Variants in SNTG2 observed in about 807,000 individuals in gnomAD.
The protein encoded by SNTG2 is gamma-2-syntrophin.
SNTG2 carries 74 observed loss-of-function variants against 70.9 expected under a neutral mutation model. The ratio of observed to expected loss-of-function variants is 1.04; its 90% CI spans 0.86 to 1.27. The LOEUF is 1.27. Ranked by LOEUF, SNTG2 falls within the 50% of genes most tolerant of loss-of-function variation. The pLI is 0.00. For synonymous variants in SNTG2, 278 were observed against 273.8 expected, an observed-to-expected ratio of 1.02 and a Z score of -0.15; for missense variants, 717 against 690.7, an observed-to-expected ratio of 1.04 and a Z score of -0.43.
chr2:1,079,849 A>G (rs1179712397), intron 1 of SNTG2, among the ~76,000 whole-genome samples: 1 of 152,208 alleles, frequency 6.6e-6, no homozygotes, highest in Non-Finnish European at 1.5e-5. Flanking sequence ...ACATCGATCA[A>G]TATCACATCT....
intron 14 of SNTG2, among the ~76,000 whole-genome samples, chr2:1,282,626 G>T (rs1252886428): frequency 6.6e-6 from 1 of 151,998 alleles, no homozygotes; most frequent in Non-Finnish European, 1.5e-5. Context: ...CAATAACGCC[G>T]CCTCCCCCGC....
chr2:1,124,083 G>C (rs2148295288), intron 4 of SNTG2, among the ~76,000 whole-genome samples: 1 of 152,082 alleles, frequency 6.6e-6, no homozygotes, highest in Middle Eastern at 3.4e-3. Context: ...CTTTTTAATA[G>C]ATTATTGTAC....
At position 1,327,931 on chromosome 2, in the gene SNTG2, C is replaced by T. The variant is rs189105095; in HGVS notation, c.1488+11556C>T. ...GTAATTTATAAAGAAAAGAGATATA[C>T]TTAGTTTATGCTTCTGCATGCTGTA... On this transcript the variant is annotated intron_variant, in intron 16 of 16. Transcript: ENST00000308624. Among the ~76,000 whole-genome samples, 9 of 152,244 alleles carry T rather than the reference C, an allele frequency of 5.9e-5. No homozygotes were observed. The East Asian group carries it at 1.7e-3, about 29-fold the overall frequency.
At chr2:1,197,567 C>A (rs932137333) in intron 8 of SNTG2, among the ~76,000 whole-genome samples, 6 of 147,706 alleles carry the variant, frequency 4.1e-5, no homozygotes, top group African/African-American at 1.2e-4. Context: ...GATACAGGTT[C>A]TCACTGTCAC....
chr2:1,296,034 G>C (rs1038305342), intron 14 of SNTG2, among the ~76,000 whole-genome samples: 5 of 151,156 alleles, frequency 3.3e-5, no homozygotes, highest in African/African-American at 1.2e-4. Flanking sequence ...ACTGTAGAAG[G>C]CTGAGTCTCC....
chr2:1,289,845 A>C (rs1255280224), intron 14 of SNTG2, among the ~76,000 whole-genome samples: 2 of 152,106 alleles, frequency 1.3e-5, no homozygotes, highest in Non-Finnish European at 2.9e-5. Flanking sequence ...GTCTCTATGA[A>C]TCTGAGGACT....
intron 16 of SNTG2, among the ~76,000 whole-genome samples, chr2:1,332,669 A>G (rs1245323098): frequency 6.6e-6 from 1 of 152,228 alleles, no homozygotes; most frequent in Admixed American, 6.5e-5. Flanking sequence ...GTAAGTCAAT[A>G]AATATGGTAC....
Position 1,097,178 on chromosome 2 carries a change from CT to C in SNTG2, c.211-1017del, listed in dbSNP as rs1057180708. 2.2e-4 allele frequency among the ~76,000 whole-genome samples: 33 copies of C among 152,308 alleles called. No homozygotes were observed. The highest frequency in any genetic ancestry group is 7.5e-4 in the African/African-American group (31 of 41,548). On this transcript the variant is annotated intron_variant, in intron 2 of 16. Transcript: ENST00000308624. This position sits in a 1 kb window ranked among gnomAD's most constrained non-coding sequence, Gnocchi z 4.1. Reference sequence around the variant, plus strand: ...CTTTGAGTTTATGAAGTATTTCCCCCTAAGAAGGACATTCCTGGGGTATCTC... The same window carrying C: ...CTTTGAGTTTATGAAGTATTTCCCCCAAGAAGGACATTCCTGGGGTATCTC...
intron 8 of SNTG2, among the ~76,000 whole-genome samples, chr2:1,205,004 A>G (rs1673540057): frequency 6.6e-6 from 1 of 152,194 alleles, no homozygotes; most frequent in South Asian, 2.1e-4. Flanking sequence ...TATGATCTTA[A>G]CTTTTAAAAA....
At chr2:1,216,205 C>T (rs1248541906) in intron 9 of SNTG2, among the ~76,000 whole-genome samples, 1 of 152,194 alleles carries the variant, frequency 6.6e-6, no homozygotes, top group Non-Finnish European at 1.5e-5. Context: ...TCCACATCCT[C>T]TCCAGCACCT....
chr2:963,979 A>G (rs1249692789), intron 1 of SNTG2, among the ~76,000 whole-genome samples: 1 of 152,050 alleles, frequency 6.6e-6, no homozygotes, highest in Non-Finnish European at 1.5e-5. Flanking sequence ...TAACAGTTTC[A>G]GCTGCCTGCG....
intron 12 of SNTG2, among the ~76,000 whole-genome samples, chr2:1,253,170 A>C (rs1677862026): frequency 1.3e-5 from 2 of 152,056 alleles, no homozygotes; most frequent in East Asian, 1.9e-4. Flanking sequence ...GCCATGGGAG[A>C]AGCACGTGGG....
chr2:1,093,936 G>A (rs1280572116), intron 2 of SNTG2, among the ~76,000 whole-genome samples: 1 of 62,062 alleles, frequency 1.6e-5, no homozygotes, highest in Non-Finnish European at 3.3e-5. Flanking sequence ...CCTTATAGGT[G>A]TGTCCTCATA....
chr2:1,033,992 AT>A (rs1344709457), intron 1 of SNTG2, among the ~76,000 whole-genome samples: 1 of 151,992 alleles, frequency 6.6e-6, no homozygotes, highest in Non-Finnish European at 1.5e-5. Flanking sequence ...TTAAAAATAT[AT>A]TTTTAACTTT....
chr2:1,297,544 C>T (rs1288783853), intron 14 of SNTG2, among the ~76,000 whole-genome samples: 2 of 150,830 alleles, frequency 1.3e-5, no homozygotes, highest in Admixed American at 1.3e-4. Context: ...TCTGCAGCTC[C>T]TTCCCAGCAG....
At chr2:1,251,626 G>A (rs546395593) in intron 12 of SNTG2, among the ~76,000 whole-genome samples, 8 of 84,862 alleles carry the variant, frequency 9.4e-5, no homozygotes, top group South Asian at 4.3e-4. Context: ...CACACACACC[G>A]CACACACACC....
intron 14 of SNTG2, among the ~76,000 whole-genome samples, chr2:1,305,167 G>C (rs1049275993): frequency 2.0e-5 from 3 of 152,158 alleles, no homozygotes; most frequent in Admixed American, 6.5e-5. Context: ...ACCATGAAGT[G>C]TTCTGCATAT....
chr2:1,010,303 G>A (rs1659693355), intron 1 of SNTG2, among the ~76,000 whole-genome samples: 1 of 152,180 alleles, frequency 6.6e-6, no homozygotes, highest in South Asian at 2.1e-4. Flanking sequence ...TTTACTGAGG[G>A]AATAGATAAC....
intron 11 of SNTG2, among the ~76,000 whole-genome samples, chr2:1,241,652 A>G (rs1677061107): frequency 6.6e-6 from 1 of 152,126 alleles, no homozygotes; most frequent in Non-Finnish European, 1.5e-5. Context: ...CTTATCATCA[A>G]CTGACAAGAG....
Sources: gnomAD v4.1 joint callset for allele counts (sites outside exome capture counted in the v4.1 genomes callset) on GRCh38, gnomAD v4.1.1 for gene constraint, Gnocchi (gnomAD v3.1) non-coding constraint, MANE v1.5 for transcripts, NCBI Gene and HGNC (gene_info 2026-07-23, HGNC 2026-07-21) for gene names.